Variants in ADK observed in about 807,000 individuals in gnomAD.
The protein encoded by ADK is N6,N6-dimethyladenosine kinase.
Under a neutral mutation model 44.7 loss-of-function variants are expected in ADK, and 24 were observed. That is an observed-to-expected ratio of 0.54 (90% CI 0.39 to 0.76). The LOEUF (loss-of-function observed/expected upper bound fraction) is 0.76. Ranked by LOEUF, ADK falls within the 30% of genes least tolerant of loss-of-function variation. The pLI, the probability that ADK is intolerant of heterozygous loss-of-function variation, is 0.00. For synonymous variants in ADK, 128 were observed against 142.6 expected (o/e 0.90, Z 0.73); for missense variants, 321 against 425.1 (o/e 0.76, Z 2.15).
intron 9 of ADK, among the ~76,000 whole-genome samples, chr10:74,613,414 G>C (rs1253238664): frequency 6.6e-6 from 1 of 151,994 alleles, no homozygotes; most frequent in Non-Finnish European, 1.5e-5. Flanking sequence ...AATAACTCAG[G>C]CCTTGGGAAA....
chr10:74,503,324 G>A (rs1847943102), intron 6 of ADK, among the ~76,000 whole-genome samples: 1 of 152,202 alleles, frequency 6.6e-6, no homozygotes, highest in South Asian at 2.1e-4. Flanking sequence ...ACTTAGGCTA[G>A]CTAGAAACTC....
intron 9 of ADK, among the ~76,000 whole-genome samples, chr10:74,654,074 C>T (rs961052683): frequency 6.6e-5 from 10 of 152,214 alleles, no homozygotes; most frequent in African/African-American, 2.4e-4. Context: ...TTTCCATTGC[C>T]ACCATCAACA....
chr10:74,505,829 A>G (rs1431153675), intron 6 of ADK, among the ~76,000 whole-genome samples: 2 of 152,162 alleles, frequency 1.3e-5, no homozygotes, highest in Admixed American at 6.5e-5. Flanking sequence ...GATCTGAATT[A>G]GAGATATTGT....
At chr10:74,676,639 T>G (rs921889575) in intron 10 of ADK, among the ~76,000 whole-genome samples, 6 of 151,916 alleles carry the variant, frequency 3.9e-5, no homozygotes, top group Non-Finnish European at 8.8e-5. Flanking sequence ...AAAATGTTTT[T>G]GTAGAGACAG....
At chr10:74,361,275 C>T (rs1842328069) in intron 4 of ADK, among the ~76,000 whole-genome samples, 1 of 152,138 alleles carries the variant, frequency 6.6e-6, no homozygotes, top group Admixed American at 6.5e-5. Context: ...TTTTACTACT[C>T]TTATTTTGTT....
At chr10:74,648,888 A>AAT (rs1854151724) in intron 9 of ADK, among the ~76,000 whole-genome samples, 1 of 151,772 alleles carries the variant, frequency 6.6e-6, no homozygotes, top group Non-Finnish European at 1.5e-5. Flanking sequence ...CCACTAAGAA[A>AAT]ATAAGAAATA....
chr10:74,364,381 G>C (rs892245864), intron 4 of ADK, among the ~76,000 whole-genome samples: 2 of 152,108 alleles, frequency 1.3e-5, no homozygotes, highest in African/African-American at 4.8e-5. Flanking sequence ...CTTTATCTCT[G>C]ATGCATTCAG....
intron 10 of ADK, among the ~76,000 whole-genome samples, chr10:74,691,551 A>G (rs562863472): frequency 6.6e-6 from 1 of 152,270 alleles, no homozygotes; most frequent in South Asian, 2.1e-4. Context: ...AATTATTACA[A>G]TCAGGAATGC....
chr10:74,461,442 T>G (rs1846169758), intron 6 of ADK, among the ~76,000 whole-genome samples: 1 of 152,132 alleles, frequency 6.6e-6, no homozygotes. Flanking sequence ...ATTGTTTCAT[T>G]CTGATTTGAA....
chr10:74,636,090 C>CA (rs1001955170), intron 9 of ADK, among the ~76,000 whole-genome samples: 38 of 139,660 alleles, frequency 2.7e-4, no homozygotes, highest in African/African-American at 3.7e-4. Context: ...GACCCTATCT[C>CA]AAAAAAAAAA....
chr10:74,268,938 A>G (rs1846319034), intron 3 of ADK, among the ~76,000 whole-genome samples: 1 of 152,228 alleles, frequency 6.6e-6, no homozygotes, highest in Non-Finnish European at 1.5e-5. Context: ...GTTTGGGGAA[A>G]TAATATCAAC....
chr10:74,637,984 A>T (rs1853676502), intron 9 of ADK, among the ~76,000 whole-genome samples: 1 of 152,224 alleles, frequency 6.6e-6, no homozygotes, highest in African/African-American at 2.4e-5. Context: ...TAAAGATGTT[A>T]GCAAAGGAAA....
At chr10:74,573,714 G>T (rs943323277) in intron 7 of ADK, among the ~76,000 whole-genome samples, 5 of 152,186 alleles carry the variant, frequency 3.3e-5, no homozygotes, top group African/African-American at 1.2e-4. Flanking sequence ...GCAATGGCGG[G>T]CGCCCCTCCC....
At chr10:74,375,614 A>AAAT (rs920081375) in intron 4 of ADK, among the ~76,000 whole-genome samples, 23 of 152,184 alleles carry the variant, frequency 1.5e-4, no homozygotes, top group Non-Finnish European at 3.1e-4. Flanking sequence ...GCCTCTTATT[A>AAAT]GAGTCAGTCA....
At chr10:74,458,596 GT>G (rs1465342298) in intron 6 of ADK, among the ~76,000 whole-genome samples, 2 of 152,150 alleles carry the variant, frequency 1.3e-5, no homozygotes, top group African/African-American at 4.8e-5. Context: ...TTATCGTTCA[GT>G]TTGGCTTTGG....
chr10:74,523,657 A>G (rs1848926355), intron 6 of ADK, among the ~76,000 whole-genome samples: 2 of 152,190 alleles, frequency 1.3e-5, no homozygotes, highest in Non-Finnish European at 1.5e-5. Context: ...CAACTGTAGT[A>G]TGACCACAAC....
chr10:74,651,312 T>C (rs1214867462), intron 9 of ADK, among the ~76,000 whole-genome samples: 2 of 152,170 alleles, frequency 1.3e-5, no homozygotes, highest in Non-Finnish European at 2.9e-5. Context: ...ATCCCAAACA[T>C]AGGAAGAATG....
intron 7 of ADK, among the ~76,000 whole-genome samples, chr10:74,576,786 A>C (rs1362622929): frequency 6.6e-6 from 1 of 152,038 alleles, no homozygotes; most frequent in South Asian, 2.1e-4. Context: ...TTCAATTTCC[A>C]TTGTGTTGTT....
chr10:74,284,103 C>A (rs917101820), intron 3 of ADK, among the ~76,000 whole-genome samples: 1 of 152,068 alleles, frequency 6.6e-6, no homozygotes, highest in Non-Finnish European at 1.5e-5. Flanking sequence ...GCATTACAGG[C>A]GTGTGCCACC....
Sources: gnomAD v4.1 joint callset for allele counts (sites outside exome capture counted in the v4.1 genomes callset) on GRCh38, gnomAD v4.1.1 for gene constraint, MANE v1.5 for transcripts, NCBI Gene and HGNC (gene_info 2026-07-23, HGNC 2026-07-21) for gene names.